RASGRF1: variants seen among roughly 807,000 people sequenced by gnomAD.
RASGRF1 encodes the protein ras-specific guanine nucleotide-releasing factor 1.
A neutral mutation model predicts 138.7 loss-of-function variants in RASGRF1; 40 were observed. That is an observed-to-expected ratio of 0.29 (90% confidence interval 0.22 to 0.38). The LOEUF (loss-of-function observed/expected upper bound fraction) is 0.38. Among genes scored for constraint, RASGRF1 ranks in the 10% least tolerant of loss-of-function variants. The probability of loss-of-function intolerance (pLI) is 1.00; values close to 1 mark genes in which losing one functional copy is unlikely to be tolerated. For synonymous variants in RASGRF1, 614 were observed against 663.2 expected (o/e 0.93, Z 1.14); for missense variants, 1,108 against 1,650.4 (o/e 0.67, Z 5.69).
intron 3 of RASGRF1, among the ~76,000 whole-genome samples, chr15:79,052,332 TG>T (rs2057444257): frequency 1.3e-5 from 2 of 152,222 alleles, no homozygotes; most frequent in Admixed American, 1.3e-4. Flanking sequence ...TTTTTCTCTT[TG>T]TTAGCAGCCA....
At chr15:79,052,768 G>C (rs77277610) in intron 3 of RASGRF1, among the ~76,000 whole-genome samples, 1 of 152,166 alleles carries the variant, frequency 6.6e-6, no homozygotes, top group Non-Finnish European at 1.5e-5. Context: ...CAAAGGCATG[G>C]GTGTGATAGA....
At chr15:78,972,832 C>G (rs764704741) in intron 25 of RASGRF1, among the ~76,000 whole-genome samples, 1 of 152,120 alleles carries the variant, frequency 6.6e-6, no homozygotes, top group Non-Finnish European at 1.5e-5. Flanking sequence ...TGGAAACTTA[C>G]TCTTTTAGGA....
chr15:79,060,531 G>T (rs2057589698), intron 2 of RASGRF1, among the ~76,000 whole-genome samples: 1 of 152,222 alleles, frequency 6.6e-6, no homozygotes, highest in Non-Finnish European at 1.5e-5. Flanking sequence ...CTGGGAGCCA[G>T]GATCTGGGAC....
At chr15:78,989,375 A>T (rs2056223979) in intron 22 of RASGRF1, among the ~76,000 whole-genome samples, 1 of 152,120 alleles carries the variant, frequency 6.6e-6, no homozygotes, top group African/African-American at 2.4e-5. Flanking sequence ...GGGCTGGAGG[A>T]GCTGGATATT....
intron 23 of RASGRF1, 189 bp downstream of exon 23, chr15:78,984,818 G>A: frequency 1.6e-6 from 1 of 644,516 alleles, no homozygotes; most frequent in South Asian, 1.8e-5. Context: ...AGGTCTCACT[G>A]CCATATCTGT....
Position 79,014,841 on chromosome 15 carries a change from C to T in RASGRF1, c.1826+486G>A, listed in dbSNP as rs146282652. Among the ~76,000 whole-genome samples, 647 of 151,592 alleles carry T rather than the reference C, an allele frequency of 4.3e-3. 4 individuals are homozygous for T. Among genetic ancestry groups the T allele is most frequent in the African/African-American group, 0.014 (584 of 41,292 alleles). Reference sequence around the variant, plus strand: ...CTGAGGCAGGAGAATTATTTGAACCCGGGAGGCAGAGGTTGCAGTGAGCTG... The same window carrying T: ...CTGAGGCAGGAGAATTATTTGAACCTGGGAGGCAGAGGTTGCAGTGAGCTG... On this transcript the variant is annotated intron_variant, in intron 13 of 26. Coordinates refer to ENST00000558480, the MANE Select transcript of RASGRF1 (RefSeq NM_001145648.3).
chr15:79,085,275 C>T (rs1410629036), intron 1 of RASGRF1, among the ~76,000 whole-genome samples: 1 of 152,180 alleles, frequency 6.6e-6, no homozygotes, highest in Non-Finnish European at 1.5e-5. Context: ...GGAATGGCTT[C>T]TGCCACAGCC....
At chr15:79,012,363 C>T (rs2056812674) in intron 13 of RASGRF1, 2 of 731,062 alleles carry the variant, frequency 2.7e-6, no homozygotes, top group African/African-American at 3.5e-5. Context: ...TATCACTCAT[C>T]TTCTGGACCT....
chr15:79,047,100 G>A, intron 4 of RASGRF1, 101 bp from the exon 5 acceptor site: 1 of 1,432,256 alleles, frequency 7.0e-7, no homozygotes, highest in Admixed American at 2.0e-5. Context: ...CCAAGGCTTT[G>A]TTATTCCTAC....
At chr15:79,019,403 T>A (rs2056927377) in intron 11 of RASGRF1, among the ~76,000 whole-genome samples, 1 of 152,086 alleles carries the variant, frequency 6.6e-6, no homozygotes, top group Non-Finnish European at 1.5e-5. Context: ...CCATCAAACA[T>A]CACAGCACCA....
At chr15:78,978,514 TG>T in intron 24 of RASGRF1, 1 of 984,472 alleles carries the variant, frequency 1.0e-6, no homozygotes, top group Non-Finnish European at 1.2e-6. Context: ...CATGAGCCAC[TG>T]TGCCTAGCCC....
At chr15:78,972,714 A>G (rs2055790904) in intron 25 of RASGRF1, among the ~76,000 whole-genome samples, 1 of 152,140 alleles carries the variant, frequency 6.6e-6, no homozygotes, top group South Asian at 2.1e-4. Context: ...GTGCAAGTAG[A>G]GGCTTTCTGG....
chr15:79,049,358 T>A, intron 4 of RASGRF1, 138 bp downstream of exon 4: 1 of 763,702 alleles, frequency 1.3e-6, no homozygotes, highest in Non-Finnish European at 2.2e-6. Flanking sequence ...GAGTGTGGGC[T>A]CTGTCTTTGG....
chr15:79,040,246 A>C, intron 5 of RASGRF1, among the ~76,000 whole-genome samples: 1 of 151,000 alleles, frequency 6.6e-6, no homozygotes, highest in Admixed American at 6.6e-5. Flanking sequence ...TCCCCCCTTC[A>C]TCCCTATATC....
chr15:79,079,732 T>C (rs1208992593), intron 1 of RASGRF1, among the ~76,000 whole-genome samples: 1 of 152,222 alleles, frequency 6.6e-6, no homozygotes, highest in Non-Finnish European at 1.5e-5. Flanking sequence ...TGAAGGAGCA[T>C]TGTCACTGTA....
intron 26 of RASGRF1, 83 bp from the exon 27 acceptor site, chr15:78,962,319 G>T: frequency 9.9e-7 from 1 of 1,008,308 alleles, no homozygotes; most frequent in Non-Finnish European, 1.5e-6. Flanking sequence ...ATCTCCTAGG[G>T]CCCAAGCCTC....
At chr15:79,019,323 G>A (rs139593443) in intron 11 of RASGRF1, among the ~76,000 whole-genome samples, 51 of 152,300 alleles carry the variant, frequency 3.3e-4, no homozygotes, top group African/African-American at 1.0e-3. Context: ...AATCAAGAGA[G>A]AGTAGTGATC....
intron 3 of RASGRF1, 140 bp from the exon 4 acceptor site, chr15:79,049,728 T>G: frequency 1.5e-6 from 1 of 661,118 alleles, no homozygotes; most frequent in Non-Finnish European, 2.6e-6. Context: ...CCACAGCTTG[T>G]GATTCTGACT....
intron 10 of RASGRF1, among the ~76,000 whole-genome samples, chr15:79,021,733 G>A (rs756104452): frequency 2.6e-5 from 4 of 152,168 alleles, no homozygotes; most frequent in Non-Finnish European, 5.9e-5. Flanking sequence ...CCACGTGCTG[G>A]CTTCTTCTGT....
Sources: gnomAD v4.1 joint callset for allele counts (sites outside exome capture counted in the v4.1 genomes callset) on GRCh38, gnomAD v4.1.1 for gene constraint, MANE v1.5 for transcripts, NCBI Gene and HGNC (gene_info 2026-07-23, HGNC 2026-07-21) for gene names.